The following NMNAT2 variants were observed in gnomAD, a reference collection of about 807,000 sequenced individuals.
NMNAT2 encodes the protein nicotinamide nucleotide adenylyltransferase 2.
NMNAT2 carries 11 observed loss-of-function variants against 41.6 expected under a neutral mutation model. The observed-to-expected ratio is 0.26, with a 90% CI of 0.17 to 0.44. The LOEUF (loss-of-function observed/expected upper bound fraction) is 0.44. NMNAT2 is among the 20% of genes least tolerant of loss of function. The pLI is 1.00. For synonymous variants in NMNAT2, 148 were observed against 151.2 expected (o/e 0.98, Z 0.16); for missense variants, 288 against 407.7 (o/e 0.71, Z 2.53).
At chr1:183,296,719 AGCCAG>A (rs1661709737) in intron 1 of NMNAT2, among the ~76,000 whole-genome samples, 1 of 151,958 alleles carries the variant, frequency 6.6e-6, no homozygotes, top group Admixed American at 6.6e-5. Context: ...TCACCATGTT[AGCCAG>A]GCTGGTCTTG....
At position 183,250,930 on chromosome 1, in the gene NMNAT2, T is replaced by C. The variant is rs1233124628; in HGVS notation, c.*1711A>G. 6.6e-6 allele frequency: 1 copy of C among 152,470 alleles called. No homozygotes were observed. The highest frequency in any genetic ancestry group is 1.5e-5 in the Non-Finnish European group (1 of 68,038). 9.4% of individuals were successfully genotyped at this position (152,470 alleles called of 1,614,324 possible). ...CCTGGCCCTTTCTGGCCGTAGCTGG[T>C]ACTAGATTTTGATAAAAGTATCCTA... On this transcript the variant is annotated 3_prime_UTR_variant, in exon 11 of 11. Coordinates refer to ENST00000287713, the MANE Select transcript of NMNAT2 (RefSeq NM_015039.4).
Position 183,252,410 on chromosome 1 carries a change from C to A in NMNAT2, c.*231G>T, listed in dbSNP as rs1660412181. Reference sequence around the variant, plus strand: ...AGGACTGCACTTCCCCCGACTCCCACCCCATTCCCTCACCCACCCCCAACC... The same window carrying A: ...AGGACTGCACTTCCCCCGACTCCCAACCCATTCCCTCACCCACCCCCAACC... On this transcript the variant is annotated 3_prime_UTR_variant, in exon 11 of 11. Coordinates refer to ENST00000287713, the MANE Select transcript of NMNAT2 (RefSeq NM_015039.4). 4 of 411,414 alleles carry A rather than the reference C, an allele frequency of 9.7e-6. No individual in the cohort carries two copies. The highest frequency in any genetic ancestry group is 1.8e-5 in the Non-Finnish European group (4 of 216,546). The allele number at this position is 411,414 out of a possible 1,614,324, so 25.5% of individuals were successfully genotyped here. A position where few individuals can be genotyped will look rare whatever the true frequency, so the allele number is the denominator to read the frequency against.
At chr1:183,273,962 G>A (rs1661060153) in intron 8 of NMNAT2, among the ~76,000 whole-genome samples, 1 of 151,146 alleles carries the variant, frequency 6.6e-6, no homozygotes, top group African/African-American at 2.4e-5. Flanking sequence ...ACTCAGGCTA[G>A]AGTGCAGTGG....
At chr1:183,314,724 T>TA (rs1368635373) in intron 1 of NMNAT2, among the ~76,000 whole-genome samples, 8 of 152,186 alleles carry the variant, frequency 5.3e-5, no homozygotes, top group African/African-American at 1.9e-4. Flanking sequence ...ACCTTAAAGA[T>TA]AATAATTCAC....
rs201758973 is a variant in NMNAT2 at position 183,248,595 on chromosome 1, A to G, written c.*4046T>C. 1 of 152,186 alleles carries G rather than the reference A, an allele frequency of 6.6e-6. No individual in the cohort carries two copies. Among genetic ancestry groups the G allele is most frequent in the African/African-American group, 2.4e-5 (1 of 41,428 alleles). The allele number at this position is 152,186 out of a possible 1,614,324, so 9.4% of individuals were successfully genotyped here. ...TAGGACACTCCAAACTCACACTACA[A>G]AGAGACCACATGAACAGTCGAGTGT... On this transcript the variant is annotated 3_prime_UTR_variant, in exon 11 of 11. Coordinates refer to ENST00000287713, the MANE Select transcript of NMNAT2 (RefSeq NM_015039.4).
chr1:183,253,976 C>T (rs1468530254), intron 10 of NMNAT2, among the ~76,000 whole-genome samples: 2 of 150,972 alleles, frequency 1.3e-5, no homozygotes, highest in African/African-American at 4.9e-5. Flanking sequence ...TTTTCTTTAT[C>T]TATTCATCCA....
intron 1 of NMNAT2, among the ~76,000 whole-genome samples, chr1:183,364,836 T>C (rs1314764517): frequency 6.6e-6 from 1 of 152,042 alleles, no homozygotes; most frequent in Admixed American, 6.6e-5. Flanking sequence ...GGATTACAGG[T>C]GCCCACCACC....
At chr1:183,399,098 CT>C (rs1234310550) in intron 1 of NMNAT2, among the ~76,000 whole-genome samples, 1 of 151,958 alleles carries the variant, frequency 6.6e-6, no homozygotes, top group African/African-American at 2.4e-5. Context: ...ACAAAAAAAC[CT>C]TCAAAAAATC....
At chr1:183,259,660 C>T (rs1258325183) in intron 10 of NMNAT2, among the ~76,000 whole-genome samples, 2 of 152,230 alleles carry the variant, frequency 1.3e-5, no homozygotes, top group East Asian at 1.9e-4. Context: ...AGTGCAGTGG[C>T]GCGATCTCGG....
chr1:183,352,632 C>T (rs1663089403), intron 1 of NMNAT2, among the ~76,000 whole-genome samples: 1 of 150,546 alleles, frequency 6.6e-6, no homozygotes, highest in Non-Finnish European at 1.5e-5. Context: ...GAATATCCAC[C>T]ATTATAAAAT....
intron 1 of NMNAT2, among the ~76,000 whole-genome samples, chr1:183,361,643 T>C (rs1172205711): frequency 6.6e-6 from 1 of 152,222 alleles, no homozygotes; most frequent in Non-Finnish European, 1.5e-5. Flanking sequence ...AAATGATGGC[T>C]GTGTCTCCTA....
intron 1 of NMNAT2, among the ~76,000 whole-genome samples, chr1:183,352,827 C>T (rs1448562296): frequency 6.6e-6 from 1 of 152,112 alleles, no homozygotes; most frequent in Non-Finnish European, 1.5e-5. Context: ...CAGCCCCATG[C>T]TCACCCCTCT....
intron 1 of NMNAT2, among the ~76,000 whole-genome samples, chr1:183,357,369 A>C (rs1428462121): frequency 6.6e-6 from 1 of 151,684 alleles, no homozygotes; most frequent in Non-Finnish European, 1.5e-5. Context: ...AGCTGGGACT[A>C]CAGGCGCCTG....
intron 1 of NMNAT2, among the ~76,000 whole-genome samples, chr1:183,326,625 C>T (rs2102335097): frequency 6.6e-6 from 1 of 152,136 alleles, no homozygotes; most frequent in Admixed American, 6.5e-5. Context: ...TCAATAGGCA[C>T]CATATCATGT....
intron 1 of NMNAT2, among the ~76,000 whole-genome samples, chr1:183,321,105 T>C (rs1662348501): frequency 6.6e-6 from 1 of 152,204 alleles, no homozygotes; most frequent in Non-Finnish European, 1.5e-5. Context: ...TGCAATTCGA[T>C]TACAGAAGTG....
intron 8 of NMNAT2, among the ~76,000 whole-genome samples, chr1:183,278,141 C>T (rs1466179304): frequency 2.0e-5 from 3 of 152,198 alleles, no homozygotes; most frequent in African/African-American, 7.2e-5. Flanking sequence ...CCCCTCTGGA[C>T]CAATTTTCTC....
At chr1:183,357,397 T>G (rs1291315095) in intron 1 of NMNAT2, among the ~76,000 whole-genome samples, 1 of 150,796 alleles carries the variant, frequency 6.6e-6, no homozygotes, top group Admixed American at 6.6e-5. Flanking sequence ...GCCCGGCTAA[T>G]TTTTTGTATT....
chr1:183,362,341 C>A (rs1401416457), intron 1 of NMNAT2, among the ~76,000 whole-genome samples: 1 of 152,128 alleles, frequency 6.6e-6, no homozygotes, highest in African/African-American at 2.4e-5. Context: ...AGTTGTGCAA[C>A]CATCACCACT....
chr1:183,386,297 C>CA (rs900400483), intron 1 of NMNAT2, among the ~76,000 whole-genome samples: 10 of 151,374 alleles, frequency 6.6e-5, no homozygotes, highest in African/African-American at 9.7e-5. Flanking sequence ...TGTCCCCCAC[C>CA]AAAAAAAATC....
Sources: gnomAD v4.1 joint callset for allele counts (sites outside exome capture counted in the v4.1 genomes callset) on GRCh38, gnomAD v4.1.1 for gene constraint, MANE v1.5 for transcripts, NCBI Gene and HGNC (gene_info 2026-07-23, HGNC 2026-07-21) for gene names.